NYAP2: variants seen among roughly 807,000 people sequenced by gnomAD.
NYAP2 encodes the protein neuronal tyrosine-phosphorylated phosphoinositide-3-kinase adapter 2.
Under a neutral mutation model 50.4 loss-of-function variants are expected in NYAP2, and 23 were observed. The ratio of observed to expected loss-of-function variants is 0.46; its 90% CI spans 0.33 to 0.65. The LOEUF is 0.65. Among genes scored for constraint, NYAP2 ranks in the 30% least tolerant of loss-of-function variants. The probability of loss-of-function intolerance (pLI) is 0.02; values close to 1 mark genes in which losing one functional copy is unlikely to be tolerated. For synonymous variants in NYAP2, 394 were observed against 365.2 expected, an observed-to-expected ratio of 1.08 and a Z score of -0.90; for missense variants, 885 against 861.0, an observed-to-expected ratio of 1.03 and a Z score of -0.35.
downstream of NYAP2, among the ~76,000 whole-genome samples, chr2:225,654,889 T>C (rs1320983672): frequency 6.6e-6 from 1 of 152,202 alleles, no homozygotes; most frequent in African/African-American, 2.4e-5. Context: ...TGTTCAGTTT[T>C]CTTGGTCCTA....
At chr2:225,655,792 A>G (rs952598514), downstream of NYAP2, among the ~76,000 whole-genome samples, 1 of 151,890 alleles carries the variant, frequency 6.6e-6, no homozygotes, top group African/African-American at 2.4e-5. Context: ...TGTGTCTCCA[A>G]ACAGAACTGC....
chr2:225,411,212 A>G (rs1259856567), intron 3 of NYAP2, among the ~76,000 whole-genome samples: 1 of 152,156 alleles, frequency 6.6e-6, no homozygotes, highest in African/African-American at 2.4e-5. Context: ...GTGTAAAATA[A>G]TCAAATTATG....
At chr2:225,504,781 A>AGG (rs1485242306) in intron 3 of NYAP2, among the ~76,000 whole-genome samples, 1 of 152,052 alleles carries the variant, frequency 6.6e-6, no homozygotes, top group Non-Finnish European at 1.5e-5. Context: ...AAGCTGAGGC[A>AGG]GGGGGATCAT....
intron 3 of NYAP2, among the ~76,000 whole-genome samples, chr2:225,437,200 G>T (rs1689393134): frequency 6.6e-6 from 1 of 152,038 alleles, no homozygotes; most frequent in Non-Finnish European, 1.5e-5. Flanking sequence ...GGCTGGACTG[G>T]AGCACGGGCA....
chr2:225,485,521 C>T (rs1690274954), intron 3 of NYAP2, among the ~76,000 whole-genome samples: 1 of 152,086 alleles, frequency 6.6e-6, no homozygotes, highest in Admixed American at 6.6e-5. Context: ...AATGTACTCC[C>T]TTTAGACTCT....
intron 3 of NYAP2, among the ~76,000 whole-genome samples, chr2:225,418,414 C>A (rs1574604543): frequency 6.6e-6 from 1 of 152,022 alleles, no homozygotes; most frequent in South Asian, 2.1e-4. Flanking sequence ...GGAGACCAGT[C>A]AGGAGGCTGT....
intron 3 of NYAP2, among the ~76,000 whole-genome samples, chr2:225,490,767 G>A (rs1437899069): frequency 1.3e-5 from 2 of 152,160 alleles, no homozygotes; most frequent in Non-Finnish European, 2.9e-5. Flanking sequence ...ATGTGCCTTT[G>A]TCTTTTCTCC....
At chr2:225,622,683 G>C (rs1050002358) in intron 5 of NYAP2, among the ~76,000 whole-genome samples, 1 of 150,898 alleles carries the variant, frequency 6.6e-6, no homozygotes, top group South Asian at 2.1e-4. Flanking sequence ...GGGTTCAAGC[G>C]ATTCTTATGC....
chr2:225,536,999 C>T (rs781472426), intron 4 of NYAP2, among the ~76,000 whole-genome samples: 2 of 152,040 alleles, frequency 1.3e-5, no homozygotes, highest in Non-Finnish European at 2.9e-5. Context: ...AGGATGGTCT[C>T]AATCTCCTTA....
downstream of NYAP2, among the ~76,000 whole-genome samples, chr2:225,657,731 A>G (rs150710288): frequency 1.3e-5 from 2 of 152,290 alleles, no homozygotes; most frequent in African/African-American, 4.8e-5. Context: ...TTGTTTTGCC[A>G]AAGTCATGCA....
intron 6 of NYAP2, among the ~76,000 whole-genome samples, chr2:225,639,707 A>G (rs566783598): frequency 7.2e-5 from 11 of 152,290 alleles, no homozygotes; most frequent in African/African-American, 2.2e-4. Flanking sequence ...ATTTTATTCA[A>G]TATAAAATTA....
At chr2:225,518,790 A>T (rs1399216725) in intron 4 of NYAP2, among the ~76,000 whole-genome samples, 3 of 151,540 alleles carry the variant, frequency 2.0e-5, no homozygotes, top group African/African-American at 7.3e-5. Flanking sequence ...AGGCCTAGAC[A>T]GGTGGATTAT....
At chr2:225,691,102 T>G in the NYAP2 span, among the ~76,000 whole-genome samples, 1 of 152,156 alleles carries the variant, frequency 6.6e-6, no homozygotes, top group African/African-American at 2.4e-5. Flanking sequence ...TAGCATACTA[T>G]TTATTTGAGT....
At chr2:225,437,895 G>A (rs1689407376) in intron 3 of NYAP2, among the ~76,000 whole-genome samples, 1 of 152,106 alleles carries the variant, frequency 6.6e-6, no homozygotes, top group Non-Finnish European at 1.5e-5. Context: ...ATTTATGAAT[G>A]GGGACATCAA....
At chr2:225,581,118 T>C (rs1276501973) in intron 4 of NYAP2, among the ~76,000 whole-genome samples, 1 of 152,228 alleles carries the variant, frequency 6.6e-6, no homozygotes, top group East Asian at 1.9e-4. Context: ...GTGCAATACG[T>C]TGGTACACAT....
chr2:225,530,508 C>G (rs900688011), intron 4 of NYAP2, among the ~76,000 whole-genome samples: 3 of 152,160 alleles, frequency 2.0e-5, no homozygotes, highest in African/African-American at 7.2e-5. Context: ...ATCCCATGCT[C>G]CTTGGCTTTT....
chr2:225,697,590 A>G, the NYAP2 span, among the ~76,000 whole-genome samples: 1 of 152,030 alleles, frequency 6.6e-6, no homozygotes, highest in Non-Finnish European at 1.5e-5. Context: ...TCTTTAAAAC[A>G]TATCACATTA....
chr2:225,457,599 G>T (rs1388210653), intron 3 of NYAP2, among the ~76,000 whole-genome samples: 2 of 152,160 alleles, frequency 1.3e-5, no homozygotes, highest in Admixed American at 1.3e-4. Context: ...TGAGTCCAGG[G>T]AACACGATGG....
At chr2:225,495,382 G>A (rs968533278) in intron 3 of NYAP2, among the ~76,000 whole-genome samples, 5 of 152,090 alleles carry the variant, frequency 3.3e-5, no homozygotes, top group Admixed American at 6.6e-5. Flanking sequence ...CTTATAAGGC[G>A]AGATTTAAAG....
Sources: gnomAD v4.1 joint callset for allele counts (sites outside exome capture counted in the v4.1 genomes callset) on GRCh38, gnomAD v4.1.1 for gene constraint, MANE v1.5 for transcripts, NCBI Gene and HGNC (gene_info 2026-07-23, HGNC 2026-07-21) for gene names.